KATNIP: variants seen among roughly 807,000 people sequenced by gnomAD.
KATNIP encodes the protein katanin interacting protein.
A neutral mutation model predicts 174.0 loss-of-function variants in KATNIP; 126 were observed. That is an observed-to-expected ratio of 0.72 (90% CI 0.63 to 0.84). The LOEUF is 0.84. Ranked by LOEUF, KATNIP falls within the 40% of genes least tolerant of loss-of-function variation. The pLI, the probability that KATNIP is intolerant of heterozygous loss-of-function variation, is 0.00. For missense variants in KATNIP, 1,958 were observed against 2,109.7 expected (o/e 0.93, Z 1.41); for synonymous variants, 810 against 835.7 (o/e 0.97, Z 0.53).
chr16:27,612,685 G>A (rs1029271208), intron 2 of KATNIP, among the ~76,000 whole-genome samples: 1 of 152,092 alleles, frequency 6.6e-6, no homozygotes, highest in African/African-American at 2.4e-5. Context: ...CTTGAACCCA[G>A]GAGGTGGAGG....
At chr16:27,626,576 A>G (rs10852320) in intron 3 of KATNIP, among the ~76,000 whole-genome samples, 129,193 of 152,100 alleles carry the variant, frequency 0.85, 54,929 homozygotes, top group East Asian at 1. Context: ...TACCCCTGCC[A>G]CATACTATAA....
At chr16:27,708,994 T>C in intron 13 of KATNIP, 74 bp downstream of exon 13, 1 of 1,259,162 alleles carries the variant, frequency 7.9e-7, no homozygotes, top group South Asian at 1.3e-5. Flanking sequence ...GGTAAATCTG[T>C]GTTAAGGGTA....
At chr16:27,582,424 T>C (rs1278978122) in intron 2 of KATNIP, among the ~76,000 whole-genome samples, 2 of 152,202 alleles carry the variant, frequency 1.3e-5, no homozygotes, top group Non-Finnish European at 2.9e-5. Context: ...ACAAAATCTA[T>C]TTTAGATTCA....
At chr16:27,617,476 T>C (rs75372314) in intron 2 of KATNIP, among the ~76,000 whole-genome samples, 1,841 of 152,272 alleles carry the variant, frequency 0.012, 51 homozygotes, top group African/African-American at 0.042. Context: ...GGAAGCCCTA[T>C]GTTGATTGGC....
At chr16:27,600,131 G>T (rs1567478541) in intron 2 of KATNIP, among the ~76,000 whole-genome samples, 1 of 152,206 alleles carries the variant, frequency 6.6e-6, no homozygotes, top group African/African-American at 2.4e-5. Flanking sequence ...GCTCCATGAG[G>T]CTGGGGACAT....
intron 10 of KATNIP, 185 bp from the exon 11 acceptor site, chr16:27,701,404 C>A (rs960650607): frequency 3.8e-6 from 2 of 531,370 alleles, no homozygotes; most frequent in African/African-American, 3.8e-5. Flanking sequence ...TCCTCGGAAG[C>A]TGAGATGGTG....
At chr16:27,678,809 G>C (rs2078219704) in intron 7 of KATNIP, 3 of 152,282 alleles carry the variant, frequency 2.0e-5, no homozygotes, top group African/African-American at 7.2e-5. Flanking sequence ...AAGGAGGGAG[G>C]ATGCTGGCAC....
intron 20 of KATNIP, 113 bp from the exon 21 acceptor site, chr16:27,769,748 C>G: frequency 7.6e-7 from 1 of 1,315,164 alleles, no homozygotes; most frequent in South Asian, 1.3e-5. Flanking sequence ...GGTGGCTCTG[C>G]GAAAGGCTCC....
intron 2 of KATNIP, among the ~76,000 whole-genome samples, chr16:27,577,263 C>T (rs961881586): frequency 1.3e-5 from 2 of 152,142 alleles, no homozygotes; most frequent in Non-Finnish European, 2.9e-5. Context: ...CCCAGGTAGC[C>T]GAGTGTGGTG....
chr16:27,674,069 C>G (rs1337858133), intron 6 of KATNIP, among the ~76,000 whole-genome samples: 2 of 152,114 alleles, frequency 1.3e-5, no homozygotes, highest in African/African-American at 4.8e-5. Flanking sequence ...GAGGCTCACT[C>G]GAGCCTAGGA....
At chr16:27,662,372 C>T (rs1031790144) in intron 6 of KATNIP, among the ~76,000 whole-genome samples, 5 of 151,974 alleles carry the variant, frequency 3.3e-5, no homozygotes, top group Admixed American at 2.6e-4. Context: ...AGCTCTTTCT[C>T]CTTGACAGTG....
intron 6 of KATNIP, among the ~76,000 whole-genome samples, chr16:27,661,880 G>A (rs1479762013): frequency 1.8e-5 from 2 of 110,648 alleles, no homozygotes; most frequent in Non-Finnish European, 3.5e-5. Context: ...CAGGTAGCTG[G>A]GATTACAGGC....
intron 8 of KATNIP, among the ~76,000 whole-genome samples, chr16:27,690,324 A>G (rs1053622939): frequency 3.3e-4 from 42 of 126,332 alleles, no homozygotes; most frequent in African/African-American, 1.2e-3. Context: ...TCAGATAGAT[A>G]GATAGATAGA....
At chr16:27,552,687 T>G (rs1365521224) in intron 1 of KATNIP, among the ~76,000 whole-genome samples, 2 of 128,024 alleles carry the variant, frequency 1.6e-5, no homozygotes, top group Non-Finnish European at 3.3e-5. Context: ...CAAGTGGCAG[T>G]TTTTTTTTTT....
chr16:27,766,169 C>T (rs1441210982), intron 19 of KATNIP, 140 bp from the exon 20 acceptor site: 8 of 742,080 alleles, frequency 1.1e-5, no homozygotes, highest in African/African-American at 7.1e-5. Flanking sequence ...GCAGTCACAC[C>T]TCCCCTTAAC....
chr16:27,675,964 A>G (rs1280753916), intron 6 of KATNIP, among the ~76,000 whole-genome samples: 1 of 152,202 alleles, frequency 6.6e-6, no homozygotes, highest in African/African-American at 2.4e-5. Flanking sequence ...GAGGTACAAG[A>G]AAAAAGGTTG....
intron 20 of KATNIP, among the ~76,000 whole-genome samples, chr16:27,769,094 T>G (rs557997287): frequency 1.0e-3 from 159 of 152,364 alleles, no homozygotes; most frequent in Non-Finnish European, 2.1e-3. Flanking sequence ...TGGAGAACTC[T>G]GGCTAGAACA....
intron 13 of KATNIP, 23 bp downstream of exon 13, chr16:27,708,943 T>G (rs2079444102): frequency 1.1e-5 from 17 of 1,577,086 alleles, no homozygotes; most frequent in Non-Finnish European, 1.5e-5. Flanking sequence ...GGCACTGGAT[T>G]GCTTCTTGGC....
chr16:27,708,981 C>T, intron 13 of KATNIP, 61 bp downstream of exon 13: 2 of 1,366,734 alleles, frequency 1.5e-6, no homozygotes, highest in Admixed American at 1.8e-5. Flanking sequence ...TTTCTCTGCC[C>T]TTGGTAAATC....
Sources: gnomAD v4.1 joint callset for allele counts (sites outside exome capture counted in the v4.1 genomes callset) on GRCh38, gnomAD v4.1.1 for gene constraint, MANE v1.5 for transcripts, NCBI Gene and HGNC (gene_info 2026-07-23, HGNC 2026-07-21) for gene names.